CD300LD: variants seen among roughly 807,000 people sequenced by gnomAD.
CD300LD encodes the protein CMRF35-like molecule 5.
A neutral mutation model predicts 20.3 loss-of-function variants in CD300LD; 18 were observed. That is an observed-to-expected ratio of 0.89 (90% CI 0.61 to 1.32). The LOEUF (loss-of-function observed/expected upper bound fraction) is 1.32, where lower values mean the gene tolerates loss of function less well. Among genes scored for constraint, CD300LD ranks in the 40% most tolerant of loss-of-function variants. CD300LD has a pLI of 0.00. For synonymous variants in CD300LD, 104 were observed against 90.1 expected, an observed-to-expected ratio of 1.15 and a Z score of -0.87; for missense variants, 195 against 226.6, an observed-to-expected ratio of 0.86 and a Z score of 0.90.
At chr17:74,592,134 C>T (rs2030335266) in intron 1 of CD300LD, 29 bp downstream of exon 1, 1 of 1,614,064 alleles carries the variant, frequency 6.2e-7, no homozygotes, top group African/African-American at 1.3e-5. Context: ...GCTGTCATTC[C>T]AGTGCCTTAA....
At chr17:74,590,893 C>G (rs535744487) in intron 1 of CD300LD, 1 of 152,066 alleles carries the variant, frequency 6.6e-6, no homozygotes, top group South Asian at 2.1e-4. Context: ...GCCCTGGCAA[C>G]ATAGCGAGAC....
At chr17:74,587,150 A>C (rs1401828173) in intron 2 of CD300LD, among the ~76,000 whole-genome samples, 1 of 112,604 alleles carries the variant, frequency 8.9e-6, no homozygotes, top group Non-Finnish European at 1.7e-5. Flanking sequence ...ACTCCATCTC[A>C]AAAAAAAAAA....
chr17:74,584,916 T>A (rs1000765123), intron 2 of CD300LD: 1 of 152,064 alleles, frequency 6.6e-6, no homozygotes, highest in Non-Finnish European at 1.5e-5. Context: ...CAATAAAAGG[T>A]CAGTGCCCTA....
At chr17:74,582,375 C>T in intron 2 of CD300LD, 64 bp from the exon 3 acceptor site, 2 of 1,378,084 alleles carry the variant, frequency 1.5e-6, no homozygotes, top group South Asian at 1.3e-5. Context: ...GGCTGTGGCC[C>T]TAAGGCTTCT....
chr17:74,583,236 C>A (rs1464952899), intron 2 of CD300LD, among the ~76,000 whole-genome samples: 1 of 152,094 alleles, frequency 6.6e-6, no homozygotes, highest in Non-Finnish European at 1.5e-5. Flanking sequence ...CAAAATGTGA[C>A]TATATTTGGA....
At chr17:74,581,978 T>G (rs1168280487) in intron 3 of CD300LD, among the ~76,000 whole-genome samples, 1 of 152,226 alleles carries the variant, frequency 6.6e-6, no homozygotes, top group Admixed American at 6.5e-5. Context: ...CTATCAGAGT[T>G]AACAAATAAA....
chr17:74,592,016 C>T, intron 1 of CD300LD, 147 bp downstream of exon 1: 1 of 1,564,274 alleles, frequency 6.4e-7, no homozygotes, highest in Middle Eastern at 1.7e-4. Flanking sequence ...ATAACAAAAA[C>T]TTGATTGCTA....
At chr17:74,580,527 T>G (rs1047228970) in intron 3 of CD300LD, among the ~76,000 whole-genome samples, 1 of 152,194 alleles carries the variant, frequency 6.6e-6, no homozygotes, top group Admixed American at 6.5e-5. Context: ...TGACATCATA[T>G]TCTTGAAGGC....
chr17:74,591,268 A>AAAAAATAATAAT (rs146085886), intron 1 of CD300LD, among the ~76,000 whole-genome samples: 1 of 142,400 alleles, frequency 7.0e-6, no homozygotes, highest in African/African-American at 2.6e-5. Flanking sequence ...AAAAAAATAA[A>AAAAAATAATAAT]AATAATAATA....
intron 1 of CD300LD, among the ~76,000 whole-genome samples, chr17:74,591,369 G>A (rs1162763772): frequency 4.6e-5 from 7 of 151,494 alleles, no homozygotes; most frequent in Non-Finnish European, 8.8e-5. Context: ...TAGATAATAT[G>A]AGAAGCACAT....
intron 2 of CD300LD, among the ~76,000 whole-genome samples, chr17:74,585,471 G>T (rs1333156788): frequency 6.6e-6 from 1 of 152,164 alleles, no homozygotes; most frequent in Non-Finnish European, 1.5e-5. Flanking sequence ...TAGCAGAAAC[G>T]TCTGTACTGC....
Position 74,583,209 on chromosome 17 carries a change from G to A in CD300LD, c.380-898C>T, listed in dbSNP as rs1598127753. The stretch of plus-strand genomic sequence containing the variant: ...ACCCCTAAAAATTATATGTTGATAT[G>A]CTAGTCCCCAGTACCTCAAAATGTG... On this transcript the variant is annotated intron_variant, in intron 2 of 3. Transcript: ENST00000375352. Among the ~76,000 whole-genome samples, 3 of 151,988 alleles carry A rather than the reference G, an allele frequency of 2.0e-5. No individual in the cohort carries two copies. The South Asian group carries it at 6.2e-4, about 32-fold the overall frequency.
At chr17:74,591,149 C>T (rs1398798890) in intron 1 of CD300LD, among the ~76,000 whole-genome samples, 1 of 151,476 alleles carries the variant, frequency 6.6e-6, no homozygotes, top group Non-Finnish European at 1.5e-5. Flanking sequence ...CATGGTGGCT[C>T]ACACCTATAA....
At chr17:74,588,938 T>G (rs369446862) in intron 1 of CD300LD, 89 bp from the exon 2 acceptor site, 1 of 862,096 alleles carries the variant, frequency 1.2e-6, no homozygotes, top group East Asian at 2.4e-5. Flanking sequence ...CAAATCCAAC[T>G]GCCTTATAAC....
At chr17:74,589,936 G>C (rs958707801) in intron 1 of CD300LD, among the ~76,000 whole-genome samples, 2 of 152,212 alleles carry the variant, frequency 1.3e-5, no homozygotes, top group Non-Finnish European at 2.9e-5. Context: ...CTCAGGCTGT[G>C]CCAGAGTGCT....
At position 74,592,283 on chromosome 17, in the gene CD300LD, C is replaced by T. The variant is rs769313037; in HGVS notation, c.-81G>A. ...ACTTGAATCCAAGCTCGGAAGTCAA[C>T]ACCGCAAACCTACTCGAATCTCCTT... On this transcript the variant is annotated 5_prime_UTR_variant, in exon 1 of 4. Transcript: ENST00000375352. 4 of 1,613,696 alleles carry T rather than the reference C, an allele frequency of 2.5e-6. No individual in the cohort carries two copies. The highest frequency in any genetic ancestry group is 3.4e-6 in the Non-Finnish European group (4 of 1,179,822).
At chr17:74,591,262 A>AAAAT (rs1555650249) in intron 1 of CD300LD, among the ~76,000 whole-genome samples, 78 of 114,068 alleles carry the variant, frequency 6.8e-4, no homozygotes, top group Non-Finnish European at 6.8e-4. Flanking sequence ...AAAAAAAAAA[A>AAAAT]AATAAAAATA....
chr17:74,585,299 G>A (rs938239238), intron 2 of CD300LD, among the ~76,000 whole-genome samples: 13 of 152,048 alleles, frequency 8.5e-5, no homozygotes, highest in Non-Finnish European at 1.5e-4. Context: ...AGTTTAGTCC[G>A]TGCTGTCCTC....
intron 1 of CD300LD, among the ~76,000 whole-genome samples, chr17:74,591,246 T>A (rs1451048190): frequency 5.3e-5 from 4 of 75,318 alleles, no homozygotes; most frequent in Non-Finnish European, 9.8e-5. Flanking sequence ...AGTCCTCATC[T>A]CTACAAAAAA....
Sources: gnomAD v4.1 joint callset for allele counts (sites outside exome capture counted in the v4.1 genomes callset) on GRCh38, gnomAD v4.1.1 for gene constraint, MANE v1.5 for transcripts, NCBI Gene and HGNC (gene_info 2026-07-23, HGNC 2026-07-21) for gene names.